SPATA17: variants seen among roughly 807,000 people sequenced by gnomAD.
SPATA17 encodes spermatogenesis associated 17, also known as spermatogenesis-associated protein 17.
In SPATA17, 53 loss-of-function variants were observed where a neutral mutation model predicts 62.2. The observed-to-expected ratio is 0.85, with a 90% CI of 0.68 to 1.07. The LOEUF is 1.07. Among genes scored for constraint, SPATA17 ranks in the 50% least tolerant of loss-of-function variants. The probability of loss-of-function intolerance (pLI) is 0.00; values close to 1 mark genes in which losing one functional copy is unlikely to be tolerated. For missense variants in SPATA17, 466 were observed against 425.5 expected, an observed-to-expected ratio of 1.10 and a Z score of -0.84; for synonymous variants, 146 against 146.8, an observed-to-expected ratio of 0.99 and a Z score of 0.04.
chr1:217,819,644 G>C (rs1169005573), intron 9 of SPATA17, among the ~76,000 whole-genome samples: 1 of 152,008 alleles, frequency 6.6e-6, no homozygotes, highest in South Asian at 2.1e-4. Context: ...TACACCCAAA[G>C]GTTTGCAACA....
chr1:217,769,738 TG>T (rs1558043149), intron 6 of SPATA17, among the ~76,000 whole-genome samples: 2 of 152,370 alleles, frequency 1.3e-5, no homozygotes, highest in East Asian at 3.9e-4. Flanking sequence ...TCTGACCAGA[TG>T]TATCCTTTGT....
chr1:217,697,957 T>A (rs1671497888), intron 5 of SPATA17, among the ~76,000 whole-genome samples: 2 of 152,188 alleles, frequency 1.3e-5, no homozygotes, highest in South Asian at 4.1e-4. Flanking sequence ...ATGCATTTTC[T>A]TAGTGACTCT....
intron 5 of SPATA17, among the ~76,000 whole-genome samples, chr1:217,706,297 G>T (rs1671733250): frequency 6.6e-6 from 1 of 152,188 alleles, no homozygotes; most frequent in Non-Finnish European, 1.5e-5. Context: ...GCTTTGGGCA[G>T]TGTGGCCATT....
chr1:217,669,013 C>CT lies in SPATA17; in HGVS notation c.241-13dup, dbSNP rs750133838. ...TTTGTGTAACTGAAATGCATGCCAT[C>CT]TTTTTTTCTTGATTCACAGGTAGCA... is the stretch of plus-strand genomic sequence containing the variant. On this transcript the variant is annotated intron_variant, in intron 3 of 10. Coordinates refer to ENST00000366933, the MANE Select transcript of SPATA17 (RefSeq NM_138796.4). 1.9e-6 allele frequency: 3 copies of CT among 1,608,094 alleles called. No individual in the cohort carries two copies. Among genetic ancestry groups the CT allele is most frequent in the African/African-American group, 2.7e-5 (2 of 74,868 alleles).
chr1:217,864,353 C>A (rs978637042), intron 10 of SPATA17, among the ~76,000 whole-genome samples: 30 of 152,062 alleles, frequency 2.0e-4, no homozygotes, highest in African/African-American at 6.8e-4. Flanking sequence ...ACATATAAGG[C>A]AGTACTATGC....
chr1:217,760,112 A>T (rs1673136079), intron 6 of SPATA17, among the ~76,000 whole-genome samples: 1 of 152,212 alleles, frequency 6.6e-6, no homozygotes, highest in African/African-American at 2.4e-5. Flanking sequence ...TTTCGATCAA[A>T]ATTTGTATTG....
At chr1:217,679,949 C>A (rs545348905) in intron 4 of SPATA17, among the ~76,000 whole-genome samples, 1 of 152,148 alleles carries the variant, frequency 6.6e-6, no homozygotes, top group South Asian at 2.1e-4. Context: ...AAACTCGCAT[C>A]ATTCTTCCTT....
intron 9 of SPATA17, among the ~76,000 whole-genome samples, chr1:217,821,783 A>G (rs1674869243): frequency 6.6e-6 from 1 of 152,076 alleles, no homozygotes; most frequent in African/African-American, 2.4e-5. Context: ...TGTCTTTTAA[A>G]TTAATTTCCC....
intron 9 of SPATA17, among the ~76,000 whole-genome samples, chr1:217,848,595 T>C (rs1036589180): frequency 2.6e-5 from 4 of 152,172 alleles, no homozygotes; most frequent in African/African-American, 9.6e-5. Flanking sequence ...CTCCACACCC[T>C]GTAAAAATCT....
chr1:217,658,492 C>G (rs574028310), intron 3 of SPATA17, among the ~76,000 whole-genome samples: 27 of 152,268 alleles, frequency 1.8e-4, no homozygotes, highest in Non-Finnish European at 2.6e-4. Flanking sequence ...GGTGTGGAGG[C>G]TCACACCTGT....
chr1:217,731,232 T>G (rs1672397346), intron 5 of SPATA17, among the ~76,000 whole-genome samples: 1 of 152,134 alleles, frequency 6.6e-6, no homozygotes, highest in African/African-American at 2.4e-5. Context: ...GATGATCACT[T>G]TCACTTCTGT....
At chr1:217,642,591 C>T (rs1401053929) in intron 1 of SPATA17, among the ~76,000 whole-genome samples, 1 of 152,172 alleles carries the variant, frequency 6.6e-6, no homozygotes, top group Non-Finnish European at 1.5e-5. Context: ...TGTTGAAGGG[C>T]TGATCTGGTG....
At position 217,683,326 on chromosome 1, in the gene SPATA17, C is replaced by A. The variant is rs752471214; in HGVS notation, c.360C>A (p.Tyr120Ter). The change falls in exon 5 of 11, where the codon TAC becomes TAA. Residue 120 changes from tyrosine (Y) to a stop codon, truncating the protein, a stop_gained. Transcript: ENST00000366933. LOFTEE classifies it high-confidence loss of function. Reference sequence around the variant, plus strand: ...TTAATTATTATTATTTGAAAGAGTACCTGAAAGTCGTTTCAGAGACCAATG... The same window carrying A: ...TTAATTATTATTATTTGAAAGAGTAACTGAAAGTCGTTTCAGAGACCAATG... ...YLFNYYYLKEYLKVVSETNDA... is the reference protein window; with the variant it reads ...YLFNYYYLKE 1.2e-6 allele frequency: 2 copies of A among 1,609,638 alleles called. No homozygotes were observed. Among genetic ancestry groups the A allele is most frequent in the Non-Finnish European group, 1.7e-6 (2 of 1,177,872 alleles).
intron 6 of SPATA17, among the ~76,000 whole-genome samples, chr1:217,750,163 C>T (rs574411578): frequency 1.3e-5 from 2 of 151,326 alleles, no homozygotes; most frequent in South Asian, 4.2e-4. Context: ...TTTCTTTCTC[C>T]TATTAAATTT....
chr1:217,718,567 C>T (rs1672058091), intron 5 of SPATA17, among the ~76,000 whole-genome samples: 1 of 152,090 alleles, frequency 6.6e-6, no homozygotes. Context: ...AAGCCTCTAC[C>T]AGGGAAGATG....
chr1:217,749,979 C>CTATATATATA lies in SPATA17; in HGVS notation c.519+7882_519+7883insATATATATAT, dbSNP rs1421804013. ...TCTCTCTCTCTCTCTCTCTCTCTCT[C>CTATATATATA]TCTCTCTATATATATATATATATAT... On this transcript the variant is annotated intron_variant, in intron 6 of 10. Transcript: ENST00000366933. Among the ~76,000 whole-genome samples the CTATATATATA allele has an allele frequency of 2.7e-3, 84 of 30,832 alleles. 1 individual carries two copies. The highest frequency in any genetic ancestry group is 4.7e-3 in the African/African-American group (36 of 7,644). 20.2% of individuals were successfully genotyped at this position (30,832 alleles called of 152,430 possible).
chr1:217,664,515 A>G (rs10863334), intron 3 of SPATA17, among the ~76,000 whole-genome samples: 96,064 of 151,438 alleles, frequency 0.63, 31,462 homozygotes, highest in Non-Finnish European at 0.69. Context: ...GGCTGGTCTC[A>G]AACTCCTGAC....
At chr1:217,813,826 A>T (rs1399890603) in intron 9 of SPATA17, among the ~76,000 whole-genome samples, 2 of 152,046 alleles carry the variant, frequency 1.3e-5, no homozygotes, top group Non-Finnish European at 2.9e-5. Context: ...ATATTTATAT[A>T]TGTATATGTA....
intron 7 of SPATA17, among the ~76,000 whole-genome samples, chr1:217,777,560 C>T (rs186462975): frequency 8.4e-4 from 128 of 152,210 alleles, no homozygotes; most frequent in African/African-American, 2.9e-3. Flanking sequence ...TGCCACCATG[C>T]CCTGCTAAGT....
Sources: allele counts gnomAD v4.1 joint callset (sites outside exome capture counted in the v4.1 genomes callset), GRCh38; gene constraint gnomAD v4.1.1; transcripts MANE v1.5; gene names NCBI Gene and HGNC (gene_info 2026-07-23, HGNC 2026-07-21).